Variants in NKAIN2 observed in about 807,000 individuals in gnomAD.
NKAIN2 encodes sodium/potassium transporting ATPase interacting 2, also known as sodium/potassium-transporting ATPase subunit beta-1-interacting protein 2.
Under a neutral mutation model 32.6 loss-of-function variants are expected in NKAIN2, and 14 were observed. The observed-to-expected ratio is 0.43, with a 90% CI of 0.28 to 0.67. NKAIN2 has a LOEUF of 0.67. Ranked by LOEUF, NKAIN2 falls within the 30% of genes least tolerant of loss-of-function variation. NKAIN2 has a pLI of 0.17. For synonymous variants in NKAIN2, 80 were observed against 87.2 expected, an observed-to-expected ratio of 0.92 and a Z score of 0.46; for missense variants, 198 against 258.3, an observed-to-expected ratio of 0.77 and a Z score of 1.60.
chr6:123,885,286 G>A (rs1773661055), intron 1 of NKAIN2, among the ~76,000 whole-genome samples: 1 of 152,050 alleles, frequency 6.6e-6, no homozygotes, highest in African/African-American at 2.4e-5. Context: ...ATTACGGGAT[G>A]GCTTTGTATA....
At chr6:124,583,321 C>T (rs985505746) in intron 3 of NKAIN2, among the ~76,000 whole-genome samples, 1 of 150,304 alleles carries the variant, frequency 6.7e-6, no homozygotes, top group African/African-American at 2.4e-5. Flanking sequence ...ATTTATATAG[C>T]CAACAACAAA....
intron 1 of NKAIN2, among the ~76,000 whole-genome samples, chr6:123,967,600 C>T (rs9491025): frequency 0.026 from 4,003 of 152,188 alleles, 173 homozygotes; most frequent in African/African-American, 0.091. Flanking sequence ...TTTCCACCCC[C>T]AACTGAAGGT....
chr6:123,825,481 A>G (rs1198237207), intron 1 of NKAIN2, among the ~76,000 whole-genome samples: 1 of 152,164 alleles, frequency 6.6e-6, no homozygotes, highest in Non-Finnish European at 1.5e-5. Context: ...ATGTACCAGT[A>G]TAATATCCTA....
intron 1 of NKAIN2, among the ~76,000 whole-genome samples, chr6:123,851,233 A>C (rs769594702): frequency 7.2e-6 from 1 of 138,044 alleles, no homozygotes; most frequent in South Asian, 2.4e-4. Flanking sequence ...GCTGGATCAT[A>C]TGGTGGTTCT....
chr6:124,561,882 T>C (rs1387489725), intron 3 of NKAIN2, among the ~76,000 whole-genome samples: 2 of 152,226 alleles, frequency 1.3e-5, no homozygotes, highest in Admixed American at 6.5e-5. Flanking sequence ...AACAAATGCA[T>C]GGCCATGAAT....
chr6:123,854,595 G>A (rs374533347), intron 1 of NKAIN2, among the ~76,000 whole-genome samples: 13 of 152,214 alleles, frequency 8.5e-5, no homozygotes, highest in African/African-American at 2.4e-4. Flanking sequence ...TTTCACATAC[G>A]TTATTACATT....
chr6:124,698,260 G>A (rs1468038330), intron 4 of NKAIN2, among the ~76,000 whole-genome samples: 2 of 152,094 alleles, frequency 1.3e-5, no homozygotes, highest in Admixed American at 1.3e-4. Context: ...TGAGTCTAGG[G>A]TGCCATTTAA....
chr6:124,732,969 T>A (rs1776760702), intron 4 of NKAIN2, among the ~76,000 whole-genome samples: 1 of 151,734 alleles, frequency 6.6e-6, no homozygotes, highest in African/African-American at 2.4e-5. Flanking sequence ...GATACATCCA[T>A]AAAAAGAAAT....
At chr6:124,237,358 G>T (rs1489177301) in intron 1 of NKAIN2, among the ~76,000 whole-genome samples, 4 of 151,986 alleles carry the variant, frequency 2.6e-5, no homozygotes, top group Non-Finnish European at 4.4e-5. Flanking sequence ...ACTTTTTTTT[G>T]TTGTTTTTGT....
At chr6:123,941,191 T>A (rs1285388154) in intron 1 of NKAIN2, among the ~76,000 whole-genome samples, 2 of 151,854 alleles carry the variant, frequency 1.3e-5, no homozygotes, top group Non-Finnish European at 2.9e-5. Flanking sequence ...CAATAACATG[T>A]AGAGCTGATA....
intron 1 of NKAIN2, among the ~76,000 whole-genome samples, chr6:123,894,457 G>T (rs1467603719): frequency 6.6e-6 from 1 of 152,186 alleles, no homozygotes; most frequent in Admixed American, 6.5e-5. Context: ...GATTGTGAAG[G>T]TTAGAGAAGG....
chr6:124,636,260 A>T (rs1341648939), intron 3 of NKAIN2, among the ~76,000 whole-genome samples: 1 of 151,890 alleles, frequency 6.6e-6, no homozygotes, highest in Non-Finnish European at 1.5e-5. Flanking sequence ...ACATACAAAA[A>T]CCTATGGGTT....
At chr6:124,113,040 T>TA (rs1562365219) in intron 1 of NKAIN2, among the ~76,000 whole-genome samples, 1 of 152,146 alleles carries the variant, frequency 6.6e-6, no homozygotes, top group Non-Finnish European at 1.5e-5. Context: ...AAGTTTATCT[T>TA]GTTCCTTTTT....
Position 124,383,258 on chromosome 6 carries a change from G to T in NKAIN2, c.273+27911G>T, listed in dbSNP as rs112325138. ...GGCTGACATCAATTATCAACTCTTG[G>T]CTGACCCACAGATAAACTTTTCCAA... On this transcript the variant is annotated intron_variant, in intron 3 of 6. Coordinates refer to ENST00000368417, the MANE Select transcript of NKAIN2 (RefSeq NM_001040214.3). Among the ~76,000 whole-genome samples, 1,042 of 152,062 alleles carry T rather than the reference G, an allele frequency of 6.9e-3. 12 individuals are homozygous for T. Among genetic ancestry groups the T allele is most frequent in the African/African-American group, 0.024 (976 of 41,478 alleles).
chr6:124,284,880 T>C (rs998829784), intron 2 of NKAIN2, among the ~76,000 whole-genome samples: 1 of 151,164 alleles, frequency 6.6e-6, no homozygotes, highest in African/African-American at 2.5e-5. Context: ...ACTATTTCTG[T>C]CCCTTTTATC....
At chr6:124,194,224 A>G (rs1483043512) in intron 1 of NKAIN2, among the ~76,000 whole-genome samples, 1 of 151,490 alleles carries the variant, frequency 6.6e-6, no homozygotes, top group African/African-American at 2.4e-5. Context: ...TCCACCCAAG[A>G]TCTAGTCTGC....
intron 1 of NKAIN2, among the ~76,000 whole-genome samples, chr6:124,098,875 A>T (rs1784756404): frequency 6.6e-6 from 1 of 151,756 alleles, no homozygotes; most frequent in East Asian, 1.9e-4. Context: ...GTTTCAAGAA[A>T]AATAATAATA....
chr6:124,159,859 TACAG>T (rs1210586611), intron 1 of NKAIN2, among the ~76,000 whole-genome samples: 1 of 152,056 alleles, frequency 6.6e-6, no homozygotes, highest in East Asian at 1.9e-4. Context: ...GACCATGAAA[TACAG>T]ACAGCCATAT....
intron 1 of NKAIN2, among the ~76,000 whole-genome samples, chr6:124,002,028 A>C (rs1433929591): frequency 2.0e-5 from 3 of 152,170 alleles, no homozygotes; most frequent in Non-Finnish European, 4.4e-5. Flanking sequence ...GCTATACAAC[A>C]GTGATACAGA....
Sources: allele counts gnomAD v4.1 joint callset (sites outside exome capture counted in the v4.1 genomes callset), GRCh38; gene constraint gnomAD v4.1.1; transcripts MANE v1.5; gene names NCBI Gene and HGNC (gene_info 2026-07-23, HGNC 2026-07-21).